MICAL3: variants seen among roughly 807,000 people sequenced by gnomAD.
MICAL3 encodes microtubule associated monooxygenase, calponin and LIM domain containing 3.
A neutral mutation model predicts 207.4 loss-of-function variants in MICAL3; 62 were observed. That is an observed-to-expected ratio of 0.30 (90% confidence interval 0.24 to 0.37). The LOEUF (loss-of-function observed/expected upper bound fraction) is 0.37, where lower values mean the gene tolerates loss of function less well. Ranked by LOEUF, MICAL3 falls within the 10% of genes least tolerant of loss-of-function variation. The pLI is 1.00. For synonymous variants in MICAL3, 1,077 were observed against 1,069.3 expected, an observed-to-expected ratio of 1.01 and a Z score of -0.14; for missense variants, 2,368 against 2,635.6, an observed-to-expected ratio of 0.90 and a Z score of 2.22.
chr22:17,941,829 G>A (rs1004033514), intron 1 of MICAL3, among the ~76,000 whole-genome samples: 1 of 152,138 alleles, frequency 6.6e-6, no homozygotes, highest in Non-Finnish European at 1.5e-5. Flanking sequence ...GATGGCCTGG[G>A]GCAGGCGTGG....
intron 1 of MICAL3, among the ~76,000 whole-genome samples, chr22:18,002,356 C>T (rs1271895269): frequency 3.3e-5 from 5 of 152,114 alleles, no homozygotes; most frequent in Non-Finnish European, 7.4e-5. Flanking sequence ...AGAGGGCGGG[C>T]GCGGTGGCAC....
intron 9 of MICAL3, 90 bp from the exon 10 acceptor site, chr22:17,895,500 T>C (rs1930752070): frequency 7.0e-7 from 1 of 1,437,518 alleles, no homozygotes; most frequent in African/African-American, 1.4e-5. Context: ...GCGCAGCAAG[T>C]CACCTGACAT....
chr22:17,865,131 G>C (rs1237606939), intron 18 of MICAL3, 145 bp from the exon 19 acceptor site: 1 of 521,224 alleles, frequency 1.9e-6, no homozygotes, highest in Non-Finnish European at 2.5e-6. Context: ...ATTTATTTAA[G>C]AGACAGGGCC....
rs375761806 is a variant in MICAL3, at chr22:17,877,198, G to T, written c.2242-5175C>A. On this transcript the variant is annotated intron_variant, in intron 16 of 31. Transcript: ENST00000441493. ...GAGGTTAGGGAAGTTATGGAGGTTA[G>T]GGAGGTTATGGAGGTTATGGAGGTT... 5.5e-3 allele frequency among the ~76,000 whole-genome samples: 226 copies of T among 41,160 alleles called. 5 individuals carry two copies. The highest frequency in any genetic ancestry group is 0.015 in the African/African-American group (95 of 6,174). The allele number at this position is 41,160 out of a possible 152,430, so 27.0% of individuals were successfully genotyped here. A position where few individuals can be genotyped will look rare whatever the true frequency, so the allele number is the denominator to read the frequency against.
At position 17,904,759 on chromosome 22, in the gene MICAL3, A is replaced by G; in HGVS notation, c.345T>C (p.Ile115=). The G allele has an allele frequency of 5.0e-6, 8 of 1,613,960 alleles. No individual in the cohort carries two copies. Among genetic ancestry groups the G allele is most frequent in the Non-Finnish European group, 6.8e-6 (8 of 1,179,834 alleles). ...LSLLGAKVVV[I]EKRDAFSRNN... ...TGCGGGAGAAGGCATCTCGTTTCTC[A>G]ATAACAACCACCTTGGCCCCCAGTA... Residue 115 remains isoleucine, a synonymous_variant, in exon 3 of 32, where the codon ATT becomes ATC. Transcript: ENST00000441493.
At chr22:17,877,086 GTTA>G in intron 16 of MICAL3, among the ~76,000 whole-genome samples, 2 of 146,810 alleles carry the variant, frequency 1.4e-5, no homozygotes, top group Non-Finnish European at 3.0e-5. Context: ...AGTTATGGAG[GTTA>G]TGGAGGTTAG....
At chr22:17,954,546 C>T (rs915994556) in intron 1 of MICAL3, among the ~76,000 whole-genome samples, 2 of 152,046 alleles carry the variant, frequency 1.3e-5, no homozygotes, top group Non-Finnish European at 2.9e-5. Context: ...ATGTTCTTTG[C>T]TAAAACTGGA....
rs1298963688 is a variant in MICAL3, at chr22:17,887,244, G to C, written c.2005-12C>G. 2 of 1,613,166 alleles carry C rather than the reference G, an allele frequency of 1.2e-6. No individual in the cohort carries two copies. The highest frequency in any genetic ancestry group is 1.7e-6 in the Non-Finnish European group (2 of 1,179,408). On this transcript the variant is annotated splice_polypyrimidine_tract_variant and intron_variant, in intron 14 of 31. Coordinates refer to ENST00000441493, the MANE Select transcript of MICAL3 (RefSeq NM_015241.3). The stretch of plus-strand genomic sequence containing the variant: ...TTTTCCTTTTTATCCTGTACCAAGG[G>C]AGGAGGGAAACTGCATTATTCTAGC...
Position 17,902,792 on chromosome 22 carries a change from G to A in MICAL3, c.473-45C>T. ...ACGTTGATGGGAACACATGGAGAAG[G>A]GGGTACCCATCCGTGTCGCAGCTCA... On this transcript the variant is annotated intron_variant, in intron 3 of 31. Transcript: ENST00000441493. The surrounding 1 kb of genome is among the most constrained non-coding windows in gnomAD (Gnocchi z 4.5). 2 of 1,236,390 alleles carry A rather than the reference G, an allele frequency of 1.6e-6. No individual in the cohort carries two copies. Among genetic ancestry groups the A allele is most frequent in the Non-Finnish European group, 2.3e-6 (2 of 860,674 alleles). 76.6% of individuals were successfully genotyped at this position (1,236,390 alleles called of 1,614,324 possible).
rs2061814759 is a variant in MICAL3 at position 17,790,455 on chromosome 22, G to C, written c.*277C>G. ...CAGCACATCCTCAGGGAGCGCGCGG[G>C]GTGGTCCCCTGCGTCATGCCATACA... On this transcript the variant is annotated 3_prime_UTR_variant, in exon 32 of 32. Transcript: ENST00000441493. 2.1e-6 allele frequency: 1 copy of C among 481,616 alleles called. No individual in the cohort carries two copies. The highest frequency in any genetic ancestry group is 3.3e-5 in the East Asian group (1 of 30,172). 29.8% of individuals were successfully genotyped at this position (481,616 alleles called of 1,614,324 possible). A position where few individuals can be genotyped will look rare whatever the true frequency, so the allele number is the denominator to read the frequency against.
intron 1 of MICAL3, among the ~76,000 whole-genome samples, chr22:17,976,361 G>A (rs365219): frequency 6.6e-6 from 1 of 151,596 alleles, no homozygotes; most frequent in South Asian, 2.1e-4. Flanking sequence ...AGCACTGCCC[G>A]ATTTTCTTGG....
At chr22:17,968,138 A>C (rs1179241190) in intron 1 of MICAL3, among the ~76,000 whole-genome samples, 1 of 152,248 alleles carries the variant, frequency 6.6e-6, no homozygotes, top group Admixed American at 6.5e-5. Flanking sequence ...CACGGAAGAA[A>C]GGGTGGATCT....
chr22:18,016,707 G>A (rs1310558653), intron 1 of MICAL3, among the ~76,000 whole-genome samples: 8 of 152,264 alleles, frequency 5.3e-5, no homozygotes, highest in African/African-American at 1.9e-4. Context: ...TTGAGAGGCC[G>A]AGGCAGGCGG....
At position 17,810,626 on chromosome 22, in the gene MICAL3, G is replaced by T; in HGVS notation, c.5556+77C>A. 5 of 1,171,642 alleles carry T rather than the reference G, an allele frequency of 4.3e-6. No individual in the cohort carries two copies. The East Asian group carries it at 1.2e-4, about 28-fold the overall frequency. The allele number at this position is 1,171,642 out of a possible 1,614,324, so 72.6% of individuals were successfully genotyped here. ...GCTCTGCACTGTGCTTGTGTGGCAG[G>T]GAGCAGCTGGGTGGATAGGGAGATG... On this transcript the variant is annotated intron_variant, in intron 28 of 31. Transcript: ENST00000441493.
At chr22:17,995,955 G>A (rs1193441434) in intron 1 of MICAL3, among the ~76,000 whole-genome samples, 25 of 151,496 alleles carry the variant, frequency 1.7e-4, no homozygotes, top group Admixed American at 1.6e-3. Context: ...GAGCCCAGGA[G>A]CTCTAGACCA....
At position 17,887,390 on chromosome 22, in the gene MICAL3, C is replaced by G. The variant is rs759480126; in HGVS notation, c.1937G>C (p.Ser646Thr). 1.2e-6 allele frequency: 2 copies of G among 1,613,960 alleles called. No homozygotes were observed. The highest frequency in any genetic ancestry group is 1.7e-6 in the Non-Finnish European group (2 of 1,179,874). ...NAEEKAVLIA[S>T]TRSPISFLSK... ...TAGGAAGGAGATAGGGGATCTGGTG[C>G]TGGCTATCAGGACTGCTTTCTCCTC... The change falls in exon 14 of 32, where the codon AGC becomes ACC. Residue 646 changes from serine to threonine, a missense_variant. Transcript: ENST00000441493.
At chr22:17,860,467 A>C (rs532217768) in intron 19 of MICAL3, 1 of 985,388 alleles carries the variant, frequency 1.0e-6, no homozygotes, top group East Asian at 1.1e-4. Context: ...TCCCGCAGGC[A>C]CCCCAAGCTG....
chr22:17,884,959 A>G (rs1929744926), intron 16 of MICAL3, among the ~76,000 whole-genome samples: 2 of 152,216 alleles, frequency 1.3e-5, no homozygotes, highest in African/African-American at 4.8e-5. Flanking sequence ...ACGGAGAGAG[A>G]GAAGAGAAAT....
At chr22:17,987,564 C>A (rs575088123) in intron 1 of MICAL3, among the ~76,000 whole-genome samples, 135 of 152,324 alleles carry the variant, frequency 8.9e-4, no homozygotes, top group African/African-American at 3.1e-3. Context: ...GGTGCAGAGA[C>A]GGGCAGGTAC....
Sources: allele counts gnomAD v4.1 joint callset (sites outside exome capture counted in the v4.1 genomes callset), GRCh38; gene constraint gnomAD v4.1.1; non-coding constraint Gnocchi (gnomAD v3.1); transcripts MANE v1.5; gene names NCBI Gene and HGNC (gene_info 2026-07-23, HGNC 2026-07-21).